CTNNA2: variants seen among roughly 807,000 people sequenced by gnomAD.
CTNNA2 encodes catenin alpha 2.
In CTNNA2, 42 loss-of-function variants were observed where a neutral mutation model predicts 101.0. The ratio of observed to expected loss-of-function variants is 0.42; its 90% confidence interval spans 0.32 to 0.54. The LOEUF is 0.54. CTNNA2 is among the 20% of genes least tolerant of loss of function. The probability of loss-of-function intolerance (pLI) is 0.14; values close to 1 mark genes in which losing one functional copy is unlikely to be tolerated. For synonymous variants in CTNNA2, 450 were observed against 456.4 expected (o/e 0.99, Z 0.18); for missense variants, 871 against 1,223.1 (o/e 0.71, Z 4.29).
chr2:80,647,663 G>A lies in CTNNA2; in HGVS notation c.2653G>A (p.Val885Met). 6.2e-7 allele frequency: 1 copy of A among 1,613,338 alleles called. No homozygotes were observed. The highest frequency in any genetic ancestry group is 8.5e-7 in the Non-Finnish European group (1 of 1,179,436). The part of the protein sequence containing the change: ...AVVLTVKASY[V>M]ASTKYQKVYG... ...TGTCCTCACGGTGAAAGCATCCTAT[G>A]TGGCCTCAACCAAATACCAGAAGGT... The change falls in exon 19 of 19, where the codon GTG becomes ATG. Residue 885 changes from valine (V) to methionine (M), a missense_variant. Coordinates refer to ENST00000402739, the MANE Select transcript of CTNNA2 (RefSeq NM_001282597.3).
chr2:79,744,404 C>T lies in CTNNA2; in HGVS notation c.120C>T (p.Asn40=), dbSNP rs751493653. 5 of 1,612,266 alleles carry T rather than the reference C, an allele frequency of 3.1e-6. No individual in the cohort carries two copies. Among genetic ancestry groups the T allele is most frequent in the Non-Finnish European group, 4.2e-6 (5 of 1,179,482 alleles). ...PLVTQVTTLV[N]TSNKGPSGKK... The stretch of plus-strand genomic sequence containing the variant: ...TATTTAAGGTGACTACACTTGTCAA[C>T]ACAAGCAACAAAGGCCCATCTGGTA... The change falls in exon 3 of 19, where the codon AAC becomes AAT. Residue 40 remains asparagine (N), a synonymous_variant. Coordinates refer to ENST00000402739, the MANE Select transcript of CTNNA2 (RefSeq NM_001282597.3).
At chr2:79,867,772 A>G (rs1682251602) in intron 4 of CTNNA2, among the ~76,000 whole-genome samples, 1 of 152,172 alleles carries the variant, frequency 6.6e-6, no homozygotes, top group Non-Finnish European at 1.5e-5. Flanking sequence ...TTTTATATAT[A>G]TTAGAAAACA....
chr2:79,412,505 C>T (rs1678426437), intron 4 of CTNNA2, among the ~76,000 whole-genome samples: 2 of 151,882 alleles, frequency 1.3e-5, no homozygotes, highest in African/African-American at 4.8e-5. Flanking sequence ...GTAAAGCTCT[C>T]CTCAGCAAAT....
chr2:79,243,610 A>C (rs1222763751), intron 2 of CTNNA2, among the ~76,000 whole-genome samples: 1 of 152,238 alleles, frequency 6.6e-6, no homozygotes, highest in African/African-American at 2.4e-5. Context: ...TGAAACATAA[A>C]GCGTGGAAAA....
chr2:79,811,566 T>C (rs1415926331), intron 3 of CTNNA2, among the ~76,000 whole-genome samples: 1 of 152,150 alleles, frequency 6.6e-6, no homozygotes, highest in African/African-American at 2.4e-5. Flanking sequence ...TTAGAATGTG[T>C]TCTGTTGCAT....
intron 4 of CTNNA2, among the ~76,000 whole-genome samples, chr2:79,868,754 C>G (rs574706919): frequency 5.3e-5 from 8 of 152,208 alleles, no homozygotes; most frequent in African/African-American, 7.2e-5. Context: ...CCATTCCTCT[C>G]TCAGGAAATG....
intron 7 of CTNNA2, among the ~76,000 whole-genome samples, chr2:80,274,554 T>C (rs1203147936): frequency 6.6e-6 from 1 of 152,162 alleles, no homozygotes; most frequent in Non-Finnish European, 1.5e-5. Context: ...CCTTATAACA[T>C]TGCTTCCAGA....
At chr2:79,339,734 G>C (rs1677086262) in intron 3 of CTNNA2, 1 of 152,274 alleles carries the variant, frequency 6.6e-6, no homozygotes. Context: ...GGAAGAGAAA[G>C]AGTGCTGCCC....
intron 2 of CTNNA2, among the ~76,000 whole-genome samples, chr2:79,279,266 G>A (rs139979498): frequency 6.6e-5 from 10 of 151,928 alleles, no homozygotes; most frequent in Middle Eastern, 3.2e-3. Flanking sequence ...GTGTGCCCTC[G>A]CATAGAAAAG....
chr2:79,406,111 CA>C (rs1226901611), intron 4 of CTNNA2, among the ~76,000 whole-genome samples: 1 of 151,986 alleles, frequency 6.6e-6, no homozygotes, highest in Admixed American at 6.6e-5. Context: ...AAGAGGAATG[CA>C]AACTAGAACT....
intron 12 of CTNNA2, among the ~76,000 whole-genome samples, chr2:80,569,633 G>GTTTTTTTTTTGTTTTTTT (rs1694378596): frequency 1.9e-5 from 1 of 51,718 alleles, no homozygotes; most frequent in Non-Finnish European, 3.9e-5. Flanking sequence ...GGGTATTTAG[G>GTTTTTTTTTTGTTTTTTT]TTTTTTTTTT....
intron 7 of CTNNA2, among the ~76,000 whole-genome samples, chr2:80,106,900 G>A (rs1700923396): frequency 6.6e-6 from 1 of 152,122 alleles, no homozygotes; most frequent in Non-Finnish European, 1.5e-5. Flanking sequence ...TCCTTTGGGG[G>A]CCCTGGCAGG....
intron 1 of CTNNA2, among the ~76,000 whole-genome samples, chr2:79,601,497 A>G (rs1304930779): frequency 6.6e-6 from 1 of 152,204 alleles, no homozygotes; most frequent in Non-Finnish European, 1.5e-5. Context: ...TGGAAGCTCC[A>G]TAGCCTGAGA....
Position 79,382,168 on chromosome 2 carries a change from C to G in CTNNA2, c.-135+8155C>G, listed in dbSNP as rs1234472568. Among the ~76,000 whole-genome samples, 3 of 151,854 alleles carry G rather than the reference C, an allele frequency of 2.0e-5. No individual in the cohort carries two copies. The East Asian group carries it at 5.9e-4, about 30-fold the overall frequency. On this transcript the variant is annotated intron_variant, in intron 4 of 21. Transcript: ENST00000466387. The stretch of plus-strand genomic sequence containing the variant: ...CTATCTGCTTGGTGGGACATCCTCT[C>G]CTGTCCTTGGGCATCAGTACTCCTA...
At chr2:80,134,030 G>A (rs1010037925) in intron 7 of CTNNA2, among the ~76,000 whole-genome samples, 3 of 152,102 alleles carry the variant, frequency 2.0e-5, no homozygotes, top group Non-Finnish European at 1.5e-5. Context: ...ACAATGACTG[G>A]CTCAAGGTGT....
intron 9 of CTNNA2, among the ~76,000 whole-genome samples, chr2:80,439,879 A>G (rs1432077388): frequency 6.6e-6 from 1 of 152,212 alleles, no homozygotes; most frequent in African/African-American, 2.4e-5. Flanking sequence ...GTCCAAATTA[A>G]CTGAGCATCT....
intron 7 of CTNNA2, among the ~76,000 whole-genome samples, chr2:79,990,780 A>G (rs1282163013): frequency 1.3e-5 from 2 of 152,168 alleles, no homozygotes; most frequent in African/African-American, 4.8e-5. Flanking sequence ...TATCAGGATG[A>G]TGCTGGCCTC....
chr2:79,348,101 C>T (rs1399248760), intron 3 of CTNNA2, among the ~76,000 whole-genome samples: 1 of 152,114 alleles, frequency 6.6e-6, no homozygotes, highest in African/African-American at 2.4e-5. Flanking sequence ...TCACAGGCAA[C>T]ATGGTATGGA....
intron 7 of CTNNA2, among the ~76,000 whole-genome samples, chr2:80,185,802 A>C (rs1448146745): frequency 6.6e-6 from 1 of 152,214 alleles, no homozygotes; most frequent in East Asian, 1.9e-4. Context: ...TTGGCTGCAG[A>C]ACCTGGGCCA....
Sources: gnomAD v4.1 joint callset for allele counts (sites outside exome capture counted in the v4.1 genomes callset) on GRCh38, gnomAD v4.1.1 for gene constraint, MANE v1.5 for transcripts, NCBI Gene and HGNC (gene_info 2026-07-23, HGNC 2026-07-21) for gene names.